PRDM16: variants seen among roughly 807,000 people sequenced by gnomAD.
PRDM16 encodes histone-lysine N-methyltransferase PRDM16.
A neutral mutation model predicts 110.6 loss-of-function variants in PRDM16; 23 were observed. The observed-to-expected ratio is 0.21, with a 90% CI of 0.15 to 0.29. PRDM16 has a LOEUF of 0.29. PRDM16 is among the 10% of genes least tolerant of loss of function. The pLI is 1.00. For synonymous variants in PRDM16, 799 were observed against 781.8 expected (o/e 1.02, Z -0.37); for missense variants, 1,615 against 1,794.3 (o/e 0.90, Z 1.81).
intron 2 of PRDM16, among the ~76,000 whole-genome samples, chr1:3,223,678 T>C (rs1445394597): frequency 1.3e-5 from 2 of 152,282 alleles, no homozygotes; most frequent in Admixed American, 6.5e-5. Flanking sequence ...TGCATACTCA[T>C]GTCAGCCCTA....
intron 3 of PRDM16, among the ~76,000 whole-genome samples, chr1:3,333,168 G>A (rs983061510): frequency 8.5e-5 from 13 of 152,206 alleles, no homozygotes; most frequent in Admixed American, 6.5e-4. Flanking sequence ...GCAGCAAGGT[G>A]GTGGGGAGGA....
intron 3 of PRDM16, among the ~76,000 whole-genome samples, chr1:3,268,077 C>T (rs1180555122): frequency 1.3e-5 from 2 of 152,206 alleles, no homozygotes; most frequent in Non-Finnish European, 2.9e-5. Flanking sequence ...CCATGACCCC[C>T]GAATCTAACA....
chr1:3,120,019 G>A (rs544109625), intron 1 of PRDM16, among the ~76,000 whole-genome samples: 1 of 137,830 alleles, frequency 7.3e-6, no homozygotes, highest in Non-Finnish European at 1.6e-5. Flanking sequence ...TGGGAGCCCC[G>A]CCTGGTGGCC....
intron 3 of PRDM16, among the ~76,000 whole-genome samples, chr1:3,323,116 G>A (rs1295284263): frequency 5.3e-5 from 8 of 152,196 alleles, no homozygotes; most frequent in Non-Finnish European, 1.0e-4. Context: ...CACTTGGTGC[G>A]GGAAGCCATA....
rs975187101 is a variant in PRDM16, at chr1:3,101,661, C to T, written c.37+32365C>T. Among the ~76,000 whole-genome samples, 35 of 152,184 alleles carry T rather than the reference C, an allele frequency of 2.3e-4. No individual in the cohort carries two copies. The East Asian group carries it at 6.4e-3, about 28-fold the overall frequency. ...GTCTCTGCTCCGGGCCAGGCAGAGC[C>T]GGAAGCCACCAAGTGAGGGAACAGA... On this transcript the variant is annotated intron_variant, in intron 1 of 16. Coordinates refer to ENST00000270722, the MANE Select transcript of PRDM16 (RefSeq NM_022114.4).
Position 3,190,717 on chromosome 1 carries a change from G to A in PRDM16, c.387+4243G>A, listed in dbSNP as rs1487968557. Among the ~76,000 whole-genome samples the A allele has an allele frequency of 2.0e-5, 3 of 152,186 alleles. No homozygotes were observed. The highest frequency in any genetic ancestry group is 4.1e-4 in the South Asian group (2 of 4,830). On this transcript the variant is annotated intron_variant, in intron 2 of 16. Coordinates refer to ENST00000270722, the MANE Select transcript of PRDM16 (RefSeq NM_022114.4). The surrounding 1 kb of genome is among the most constrained non-coding windows in gnomAD (Gnocchi z 5.0). Reference sequence around the variant, plus strand: ...CTCTTCCCAAATACCACGCCCCGCCGGTCGCCGCCGAAGCCCACCTGCCTG... The same window carrying A: ...CTCTTCCCAAATACCACGCCCCGCCAGTCGCCGCCGAAGCCCACCTGCCTG...
chr1:3,164,784 G>C (rs897920745), intron 1 of PRDM16, among the ~76,000 whole-genome samples: 21 of 152,284 alleles, frequency 1.4e-4, no homozygotes, highest in Non-Finnish European at 2.6e-4. Context: ...GTGTTTGCGG[G>C]GGGAGGCTGT....
At chr1:3,171,936 G>C (rs1644030277) in intron 1 of PRDM16, among the ~76,000 whole-genome samples, 1 of 152,104 alleles carries the variant, frequency 6.6e-6, no homozygotes, top group African/African-American at 2.4e-5. Context: ...AAGCCCCCCG[G>C]CCTCCGCGCC....
intron 5 of PRDM16, among the ~76,000 whole-genome samples, chr1:3,400,561 G>A (rs775606893): frequency 2.0e-5 from 3 of 152,158 alleles, no homozygotes; most frequent in African/African-American, 4.8e-5. Flanking sequence ...GAACAAACTC[G>A]GAAAGCTCCG....
intron 1 of PRDM16, among the ~76,000 whole-genome samples, chr1:3,076,052 A>G (rs1641891425): frequency 6.6e-6 from 1 of 152,018 alleles, no homozygotes; most frequent in Middle Eastern, 3.2e-3. Context: ...TGCTCTGCCC[A>G]CCTCGAGGCC....
intron 3 of PRDM16, among the ~76,000 whole-genome samples, chr1:3,254,619 A>G (rs906621014): frequency 2.2e-4 from 34 of 152,240 alleles, no homozygotes; most frequent in Non-Finnish European, 2.1e-4. Flanking sequence ...GGACCTCTTC[A>G]AGGAGAACTA....
Position 3,190,771 on chromosome 1 carries a change from C to T in PRDM16, c.387+4297C>T, listed in dbSNP as rs990762072. 1.2e-4 allele frequency among the ~76,000 whole-genome samples: 18 copies of T among 152,216 alleles called. No homozygotes were observed. Among genetic ancestry groups the T allele is most frequent in the Non-Finnish European group, 1.8e-4 (12 of 68,036 alleles). On this transcript the variant is annotated intron_variant, in intron 2 of 16. Transcript: ENST00000270722. This position sits in a 1 kb window ranked among gnomAD's most constrained non-coding sequence, Gnocchi z 5.0. Reference sequence around the variant, plus strand: ...GAAATCACCCGTGAGCGCATTTGCTCGCCGTGGGGTCTGCAAAAACAATGA... The same window carrying T: ...GAAATCACCCGTGAGCGCATTTGCTTGCCGTGGGGTCTGCAAAAACAATGA...
intron 3 of PRDM16, among the ~76,000 whole-genome samples, chr1:3,383,796 C>T (rs1447785823): frequency 6.6e-6 from 1 of 151,940 alleles, no homozygotes; most frequent in Non-Finnish European, 1.5e-5. Flanking sequence ...ACTCCCTTAT[C>T]CATCACCCCT....
intron 1 of PRDM16, among the ~76,000 whole-genome samples, chr1:3,129,347 G>A (rs1643285292): frequency 6.7e-6 from 1 of 149,042 alleles, no homozygotes; most frequent in South Asian, 2.2e-4. Flanking sequence ...GCCTGGTTGT[G>A]TGTGTGTGCG....
intron 3 of PRDM16, among the ~76,000 whole-genome samples, chr1:3,354,459 C>CAA (rs59791059): frequency 0.013 from 1,481 of 113,184 alleles, 22 homozygotes; most frequent in South Asian, 0.034. Context: ...GACTCTGCCT[C>CAA]AAAAAAAAAA....
In PRDM16 at chr1:3,425,400, G is replaced by A. The variant is rs982099856; in HGVS notation, c.2940-181G>A. The A allele has an allele frequency of 3.3e-6, 2 of 602,778 alleles. No homozygotes were observed. Among genetic ancestry groups the A allele is most frequent in the African/African-American group, 1.9e-5 (1 of 53,690 alleles). The allele number at this position is 602,778 out of a possible 1,614,324, so 37.3% of individuals were successfully genotyped here. A position where few individuals can be genotyped will look rare whatever the true frequency, so the allele number is the denominator to read the frequency against. ...GAAGCCGGGGCTGTTTCTAGGGACAGCTTCCCCAGGATGCCTTTGGCTCTG... is the reference window on the plus strand; with the variant it reads ...GAAGCCGGGGCTGTTTCTAGGGACAACTTCCCCAGGATGCCTTTGGCTCTG... On this transcript the variant is annotated intron_variant, in intron 12 of 16. Coordinates refer to ENST00000270722, the MANE Select transcript of PRDM16 (RefSeq NM_022114.4). The surrounding 1 kb of genome is among the most constrained non-coding windows in gnomAD (Gnocchi z 6.9).
At chr1:3,431,726 T>C (rs565479745) in intron 15 of PRDM16, among the ~76,000 whole-genome samples, 2 of 152,378 alleles carry the variant, frequency 1.3e-5, no homozygotes, top group African/African-American at 4.8e-5. Context: ...GCCCCCTGCC[T>C]GCTGCCTGAT....
At chr1:3,397,446 C>T (rs972653666) in intron 5 of PRDM16, among the ~76,000 whole-genome samples, 9 of 152,270 alleles carry the variant, frequency 5.9e-5, no homozygotes, top group Non-Finnish European at 8.8e-5. Flanking sequence ...TCATTCCTGC[C>T]TTCACGTCAT....
At chr1:3,171,052 G>A (rs1644019622) in intron 1 of PRDM16, among the ~76,000 whole-genome samples, 1 of 152,222 alleles carries the variant, frequency 6.6e-6, no homozygotes, top group South Asian at 2.1e-4. Context: ...CCCTGTCCCA[G>A]CGGGACCCCG....
Sources: allele counts gnomAD v4.1 joint callset (sites outside exome capture counted in the v4.1 genomes callset), GRCh38; gene constraint gnomAD v4.1.1; non-coding constraint Gnocchi (gnomAD v3.1); transcripts MANE v1.5; gene names NCBI Gene and HGNC (gene_info 2026-07-23, HGNC 2026-07-21).